ADAM32: variants seen among roughly 807,000 people sequenced by gnomAD.
ADAM32 encodes disintegrin and metalloproteinase domain-containing protein 32.
In ADAM32, 89 loss-of-function variants were observed where a neutral mutation model predicts 114.9. That is an observed-to-expected ratio of 0.77 (90% CI 0.65 to 0.92). ADAM32 has a LOEUF of 0.92. ADAM32 is among the 40% of genes least tolerant of loss of function. The pLI, the probability that ADAM32 is intolerant of heterozygous loss-of-function variation, is 0.00. For synonymous variants in ADAM32, 285 were observed against 307.5 expected, an observed-to-expected ratio of 0.93 and a Z score of 0.77; for missense variants, 870 against 932.8, an observed-to-expected ratio of 0.93 and a Z score of 0.88.
chr8:39,256,079 G>T (rs944847508), intron 18 of ADAM32, among the ~76,000 whole-genome samples: 1 of 151,810 alleles, frequency 6.6e-6, no homozygotes, highest in African/African-American at 2.4e-5. Context: ...CATTCCATTG[G>T]TCTCTGTGTC....
intron 14 of ADAM32, among the ~76,000 whole-genome samples, chr8:39,227,722 C>G (rs936349904): frequency 1.3e-5 from 2 of 152,158 alleles, no homozygotes; most frequent in Non-Finnish European, 2.9e-5. Flanking sequence ...GTCCTGCCCC[C>G]ACCTGATGGT....
intron 11 of ADAM32, among the ~76,000 whole-genome samples, chr8:39,205,375 A>C (rs1203280919): frequency 6.6e-6 from 1 of 152,138 alleles, no homozygotes; most frequent in Non-Finnish European, 1.5e-5. Context: ...TCCATCTCAG[A>C]CTGCTGTGCT....
chr8:39,282,141 T>C (rs1813458508), intron 23 of ADAM32, among the ~76,000 whole-genome samples: 2 of 152,226 alleles, frequency 1.3e-5, no homozygotes, highest in Admixed American at 1.3e-4. Context: ...GGAGTTGTGA[T>C]AGAGTGCTCA....
In ADAM32 at chr8:39,232,008, G is replaced by T; in HGVS notation, c.1526-19G>T. On this transcript the variant is annotated intron_variant, in intron 14 of 24. Transcript: ENST00000379907. The stretch of plus-strand genomic sequence containing the variant: ...AACCAATAAACATTTTAATCCAAAT[G>T]TATTTCTAACTTTAACAGGTTCAAG... 1 of 1,561,552 alleles carries T rather than the reference G, an allele frequency of 6.4e-7. No individual in the cohort carries two copies. Among genetic ancestry groups the T allele is most frequent in the Non-Finnish European group, 8.8e-7 (1 of 1,137,134 alleles).
At chr8:39,141,115 AT>A (rs1445358399) in intron 3 of ADAM32, among the ~76,000 whole-genome samples, 1 of 151,858 alleles carries the variant, frequency 6.6e-6, no homozygotes, top group Non-Finnish European at 1.5e-5. Flanking sequence ...TGGTCTATCA[AT>A]TTTGTTGATC....
chr8:39,193,355 G>A (rs1207663361), intron 11 of ADAM32, among the ~76,000 whole-genome samples: 2 of 152,064 alleles, frequency 1.3e-5, no homozygotes, highest in South Asian at 4.2e-4. Flanking sequence ...TATCAGGTTG[G>A]TTATGTTCTT....
intron 10 of ADAM32, among the ~76,000 whole-genome samples, chr8:39,179,755 C>G (rs899724078): frequency 2.0e-5 from 3 of 152,178 alleles, no homozygotes; most frequent in Non-Finnish European, 2.9e-5. Flanking sequence ...CCTTGCTCTC[C>G]GTGGGTCAAG....
intron 3 of ADAM32, among the ~76,000 whole-genome samples, chr8:39,144,165 C>A (rs921872724): frequency 1.3e-5 from 2 of 152,178 alleles, no homozygotes; most frequent in African/African-American, 4.8e-5. Flanking sequence ...ATCCCCTGAC[C>A]CCTTGAGCTT....
intron 23 of ADAM32, among the ~76,000 whole-genome samples, chr8:39,283,178 TG>T (rs1367829427): frequency 6.6e-6 from 1 of 151,852 alleles, no homozygotes; most frequent in Non-Finnish European, 1.5e-5. Context: ...GAAGCCAAGG[TG>T]GGAGGACTGC....
chr8:39,163,086 A>G (rs533967584), intron 7 of ADAM32, among the ~76,000 whole-genome samples: 1 of 152,334 alleles, frequency 6.6e-6, no homozygotes, highest in East Asian at 1.9e-4. Context: ...TAATTATGGC[A>G]TAGTGAATTC....
Position 39,265,848 on chromosome 8 carries a change from G to A in ADAM32, c.2163-5028G>A, listed in dbSNP as rs117081978. Among the ~76,000 whole-genome samples, 496 of 152,298 alleles carry A rather than the reference G, an allele frequency of 3.3e-3. 3 individuals are homozygous for A. Among genetic ancestry groups the A allele is most frequent in the Middle Eastern group, 0.01 (3 of 294 alleles). ...CTTTCCCTTAAGGACCTGTTATAAGGTAGGTGTGGTGGTAGCAAATTCCCT... is the reference window on the plus strand; with the variant it reads ...CTTTCCCTTAAGGACCTGTTATAAGATAGGTGTGGTGGTAGCAAATTCCCT... On this transcript the variant is annotated intron_variant, in intron 19 of 24. Transcript: ENST00000379907.
chr8:39,254,094 G>A (rs1811474720), intron 17 of ADAM32, among the ~76,000 whole-genome samples: 2 of 151,652 alleles, frequency 1.3e-5, no homozygotes, highest in South Asian at 4.1e-4. Flanking sequence ...GCTCCAGCAT[G>A]TCACTGGAGG....
At chr8:39,280,578 G>A (rs1342419742) in intron 22 of ADAM32, among the ~76,000 whole-genome samples, 2 of 152,076 alleles carry the variant, frequency 1.3e-5, no homozygotes, top group East Asian at 3.8e-4. Context: ...TGATACTCTT[G>A]ATTCTCTACT....
chr8:39,201,167 A>T (rs1046802765), intron 11 of ADAM32, among the ~76,000 whole-genome samples: 2 of 152,194 alleles, frequency 1.3e-5, no homozygotes, highest in Non-Finnish European at 2.9e-5. Flanking sequence ...GAAGAAAGTC[A>T]TTGGTAGCTT....
intron 3 of ADAM32, among the ~76,000 whole-genome samples, chr8:39,144,973 G>C (rs182718643): frequency 0.015 from 2,234 of 152,274 alleles, 23 homozygotes; most frequent in Non-Finnish European, 0.023. Flanking sequence ...CAGTGAAGTT[G>C]TGGGATATAA....
intron 6 of ADAM32, among the ~76,000 whole-genome samples, chr8:39,157,114 A>G (rs921242214): frequency 6.6e-6 from 1 of 152,280 alleles, no homozygotes; most frequent in East Asian, 1.9e-4. Context: ...ATGTCATCCC[A>G]CTGCCTCTGG....
intron 14 of ADAM32, among the ~76,000 whole-genome samples, chr8:39,224,348 A>G (rs1189494282): frequency 6.6e-6 from 1 of 152,182 alleles, no homozygotes; most frequent in Admixed American, 6.5e-5. Context: ...AGGATGTTCC[A>G]TATTGTTTTC....
At chr8:39,136,373 T>C (rs74329598) in intron 2 of ADAM32, among the ~76,000 whole-genome samples, 5,286 of 152,322 alleles carry the variant, frequency 0.035, 113 homozygotes, top group Non-Finnish European at 0.047. Flanking sequence ...GTGTAGCACG[T>C]GACCTATTCA....
chr8:39,150,832 T>C (rs1248547209), intron 5 of ADAM32, among the ~76,000 whole-genome samples: 2 of 152,076 alleles, frequency 1.3e-5, no homozygotes, highest in African/African-American at 4.8e-5. Flanking sequence ...TAAGCAAAAG[T>C]AACAAATATT....
Sources: allele counts gnomAD v4.1 joint callset (sites outside exome capture counted in the v4.1 genomes callset), GRCh38; gene constraint gnomAD v4.1.1; transcripts MANE v1.5; gene names NCBI Gene and HGNC (gene_info 2026-07-23, HGNC 2026-07-21).